The following CUBN variants were observed in gnomAD, a reference collection of about 807,000 sequenced individuals.
CUBN encodes the protein 460 kDa receptor.
In CUBN, 282 loss-of-function variants were observed where a neutral mutation model predicts 405.3. That is an observed-to-expected ratio of 0.70 (90% CI 0.63 to 0.77). The LOEUF is 0.77. Among genes scored for constraint, CUBN ranks in the 30% least tolerant of loss-of-function variants. CUBN has a pLI of 0.00. For synonymous variants in CUBN, 1,684 were observed against 1,617.0 expected, an observed-to-expected ratio of 1.04 and a Z score of -0.99; for missense variants, 4,514 against 4,475.2, an observed-to-expected ratio of 1.01 and a Z score of -0.25.
chr10:17,041,169 A>G lies in CUBN; in HGVS notation c.3881T>C (p.Ile1294Thr). Residue 1294 changes from isoleucine (I) to threonine (T), a missense_variant, in exon 27 of 67, where the codon ATA becomes ACA. Ile to Thr is a moderately conservative substitution (Grantham distance 89). Transcript: ENST00000377833. ...VNQTYGILES[I>T]GYPNPYSENQ... Reference sequence around the variant, plus strand: ...TTCAGAATAAGGATTCGGATACCCTATACTCTCTAAGATGCCATAGGTTTG... The same window carrying G: ...TTCAGAATAAGGATTCGGATACCCTGTACTCTCTAAGATGCCATAGGTTTG... 2 of 1,613,810 alleles carry G rather than the reference A, an allele frequency of 1.2e-6. No homozygotes were observed. The highest frequency in any genetic ancestry group is 1.7e-6 in the Non-Finnish European group (2 of 1,179,754).
At chr10:17,029,240 A>G (rs2131801596) in intron 27 of CUBN, among the ~76,000 whole-genome samples, 1 of 152,360 alleles carries the variant, frequency 6.6e-6, no homozygotes, top group Non-Finnish European at 1.5e-5. Flanking sequence ...TAACTGCTGC[A>G]AATTAATGCA....
intron 59 of CUBN, among the ~76,000 whole-genome samples, chr10:16,867,865 C>A (rs956442928): frequency 6.6e-6 from 1 of 152,070 alleles, no homozygotes; most frequent in Non-Finnish European, 1.5e-5. Context: ...AACCCTGGCT[C>A]ACTTGAGAAG....
chr10:17,079,282 C>T (rs1835920050), intron 17 of CUBN, among the ~76,000 whole-genome samples: 1 of 142,598 alleles, frequency 7.0e-6, no homozygotes, highest in Admixed American at 7.4e-5. Context: ...GTCACCCAAG[C>T]TGGAGTATAG....
chr10:17,049,829 T>C (rs1304587295), intron 22 of CUBN, among the ~76,000 whole-genome samples: 1 of 152,234 alleles, frequency 6.6e-6, no homozygotes, highest in Non-Finnish European at 1.5e-5. Flanking sequence ...TTATTTAGCA[T>C]AATAAAATTT....
At chr10:16,919,879 T>C (rs1841983792) in intron 44 of CUBN, 84 bp downstream of exon 44, 2 of 1,403,418 alleles carry the variant, frequency 1.4e-6, no homozygotes, top group South Asian at 1.2e-5. Context: ...TATGTGCTAC[T>C]GAAAGAAATG....
chr10:16,935,866 C>T (rs1472805052), intron 39 of CUBN, among the ~76,000 whole-genome samples: 5 of 111,350 alleles, frequency 4.5e-5, no homozygotes, highest in African/African-American at 7.5e-5. Context: ...GGCGACAGAG[C>T]GAGACTCCAT....
At chr10:17,105,331 T>G in intron 11 of CUBN, 126 bp downstream of exon 11, 1 of 770,610 alleles carries the variant, frequency 1.3e-6, no homozygotes, top group East Asian at 2.5e-5. Flanking sequence ...CTGAGAGTTC[T>G]CGACAGTTCC....
intron 28 of CUBN, among the ~76,000 whole-genome samples, chr10:17,015,903 G>C (rs1834315188): frequency 6.6e-6 from 1 of 152,156 alleles, no homozygotes; most frequent in Non-Finnish European, 1.5e-5. Flanking sequence ...AGGTTTGTTT[G>C]TCTGAGGACC....
rs1272114741 is a variant in CUBN at position 17,116,450 on chromosome 10, G to A, written c.594-853C>T. Among the ~76,000 whole-genome samples the A allele has an allele frequency of 5.3e-5, 8 of 152,292 alleles. No homozygotes were observed. In the East Asian group the frequency reaches 9.6e-4, roughly 18 times the overall value. Reference sequence around the variant, plus strand: ...ACATCTGATGGAGAGGTAGGGCCAGGCCCAGAGGTTGCCGATTGCCGGACT... The same window carrying A: ...ACATCTGATGGAGAGGTAGGGCCAGACCCAGAGGTTGCCGATTGCCGGACT... On this transcript the variant is annotated intron_variant, in intron 6 of 66. Coordinates refer to ENST00000377833, the MANE Select transcript of CUBN (RefSeq NM_001081.4).
chr10:16,995,470 A>T, intron 28 of CUBN, among the ~76,000 whole-genome samples: 1 of 152,162 alleles, frequency 6.6e-6, no homozygotes, highest in Non-Finnish European at 1.5e-5. Context: ...ATCCTTTCAC[A>T]CATGCTGTGT....
intron 39 of CUBN, among the ~76,000 whole-genome samples, chr10:16,935,897 GA>G (rs1177814967): frequency 5.3e-4 from 56 of 104,800 alleles, no homozygotes; most frequent in East Asian, 5.8e-4. Flanking sequence ...AAAAAAAAAA[GA>G]AAAAAAAAAA....
At chr10:17,087,302 G>A (rs951391929) in intron 15 of CUBN, among the ~76,000 whole-genome samples, 4 of 151,938 alleles carry the variant, frequency 2.6e-5, no homozygotes, top group Non-Finnish European at 5.9e-5. Context: ...ATGCACCTAC[G>A]TACAAACGGC....
rs371579383 is a variant in CUBN at position 16,925,695 on chromosome 10, G to A, written c.6351C>T (p.Asn2117=). The part of the protein sequence containing the change: ...KYPETYPSNL[N]CSWHVLVQSG... ...TTTGGACCAGGACGTGCCAAGAACA[G>A]TTGAGGTTGGATGGGTAAGTCTCTG... The change falls in exon 42 of 67, where the codon AAC becomes AAT. Residue 2117 remains asparagine (N), a synonymous_variant. Coordinates refer to ENST00000377833, the MANE Select transcript of CUBN (RefSeq NM_001081.4). 3.1e-6 allele frequency: 5 copies of A among 1,613,960 alleles called. No individual in the cohort carries two copies. In the African/African-American group the frequency reaches 4.0e-5, roughly 13 times the overall value.
chr10:16,943,380 A>G (rs570692031), intron 36 of CUBN, among the ~76,000 whole-genome samples: 2 of 152,282 alleles, frequency 1.3e-5, no homozygotes, highest in South Asian at 2.1e-4. Context: ...AACAAACCAC[A>G]TATTTGTCTC....
At chr10:16,913,373 G>A (rs1841788159) in intron 48 of CUBN, among the ~76,000 whole-genome samples, 1 of 152,178 alleles carries the variant, frequency 6.6e-6, no homozygotes, top group African/African-American at 2.4e-5. Flanking sequence ...TTGGTGACAT[G>A]GAGGTCACGT....
At chr10:17,068,541 C>T (rs879875013) in intron 20 of CUBN, 64 bp downstream of exon 20, 4 of 1,343,128 alleles carry the variant, frequency 3.0e-6, no homozygotes, top group Non-Finnish European at 4.2e-6. Context: ...TAATTTATTT[C>T]TATCATTCAC....
In CUBN at chr10:16,918,741, G is replaced by C. The variant is rs1296452393; in HGVS notation, c.6881C>G (p.Ser2294Cys). Residue 2294 changes from serine (S) to cysteine (C), a missense_variant, in exon 45 of 67, where the codon TCC becomes TGC. This residue lies in a region of CUBN where 1,613 missense variants were observed against 1,542.8 expected (regional missense o/e 1.05). Transcript: ENST00000377833. ...DGVDSDAPIL[S>C]KFCGTSLPSS... Reference sequence around the variant, plus strand: ...GGGCAAAGATGTCCCACAAAATTTGGAAAGTATTGGTGCATCCGAATCCAC... The same window carrying C: ...GGGCAAAGATGTCCCACAAAATTTGCAAAGTATTGGTGCATCCGAATCCAC... 3 of 1,613,930 alleles carry C rather than the reference G, an allele frequency of 1.9e-6. No homozygotes were observed. Among genetic ancestry groups the C allele is most frequent in the Non-Finnish European group, 2.5e-6 (3 of 1,179,902 alleles).
chr10:17,127,857 G>C lies in CUBN; in HGVS notation c.320C>G (p.Ser107Cys). 2 of 1,612,718 alleles carry C rather than the reference G, an allele frequency of 1.2e-6. No individual in the cohort carries two copies. Among genetic ancestry groups the C allele is most frequent in the Non-Finnish European group, 1.7e-6 (2 of 1,178,856 alleles). Residue 107 changes from serine (S) to cysteine (C), a missense_variant, in exon 3 of 67, where the codon TCT becomes TGT. By Grantham distance (112) the Ser-to-Cys change is moderately radical. Coordinates refer to ENST00000377833, the MANE Select transcript of CUBN (RefSeq NM_001081.4). ...GGAATTAAGCTGATAGATTTGACTA[G>C]ATATATTTTGAGGCAGACCAATTGC... is the stretch of plus-strand genomic sequence containing the variant. ...GSAIGLPQNI[S>C]SQIYQLNSKL... is the part of the protein sequence containing the mutation.
intron 31 of CUBN, among the ~76,000 whole-genome samples, chr10:16,981,034 A>T (rs975903269): frequency 6.6e-6 from 1 of 152,072 alleles, no homozygotes. Context: ...GAAGAGGTTG[A>T]GGTCCCTGGT....
Sources: allele counts gnomAD v4.1 joint callset (sites outside exome capture counted in the v4.1 genomes callset), GRCh38; gene constraint gnomAD v4.1.1; regional missense constraint gnomAD v4.1.1; transcripts MANE v1.5; gene names NCBI Gene and HGNC (gene_info 2026-07-23, HGNC 2026-07-21).